The following CACNA2D3 variants were observed in gnomAD, a reference collection of about 807,000 sequenced individuals.
CACNA2D3 encodes the protein calcium voltage-gated channel auxiliary subunit alpha2delta 3, also known as voltage-dependent calcium channel subunit alpha-2/delta-3.
In CACNA2D3, 60 loss-of-function variants were observed where a neutral mutation model predicts 160.6. The observed-to-expected ratio is 0.37, with a 90% CI of 0.30 to 0.46. The LOEUF (loss-of-function observed/expected upper bound fraction) is 0.46, where lower values mean the gene tolerates loss of function less well. Ranked by LOEUF, CACNA2D3 falls within the 20% of genes least tolerant of loss-of-function variation. CACNA2D3 has a pLI of 1.00. For missense variants in CACNA2D3, 1,205 were observed against 1,365.0 expected (o/e 0.88, Z 1.85); for synonymous variants, 558 against 492.9 (o/e 1.13, Z -1.75).
chr3:54,880,620 C>T (rs1699772551), intron 20 of CACNA2D3, among the ~76,000 whole-genome samples, 176 bp from the exon 21 acceptor site: 1 of 152,120 alleles, frequency 6.6e-6, no homozygotes, highest in African/African-American at 2.4e-5. Flanking sequence ...CTGATTGAAC[C>T]TAAGAAAAAC....
At chr3:54,739,238 G>A (rs1701591708) in intron 11 of CACNA2D3, among the ~76,000 whole-genome samples, 1 of 151,876 alleles carries the variant, frequency 6.6e-6, no homozygotes, top group South Asian at 2.1e-4. Context: ...TGGCCAACAT[G>A]GCAAAACCCC....
chr3:54,129,410 T>C (rs1004285707), intron 2 of CACNA2D3, among the ~76,000 whole-genome samples: 2 of 152,218 alleles, frequency 1.3e-5, no homozygotes, highest in Non-Finnish European at 2.9e-5. Context: ...GGGTGCTCAT[T>C]CCAAGGCTGT....
intron 27 of CACNA2D3, among the ~76,000 whole-genome samples, chr3:54,914,909 G>A (rs4245919): frequency 0.64 from 97,609 of 152,108 alleles, 31,988 homozygotes; most frequent in East Asian, 0.86. Flanking sequence ...GGTTTCTAAC[G>A]GTTGTTGGAT....
chr3:54,652,450 CA>C (rs1428860200), intron 11 of CACNA2D3, among the ~76,000 whole-genome samples: 1 of 152,166 alleles, frequency 6.6e-6, no homozygotes, highest in Non-Finnish European at 1.5e-5. Context: ...CTGAACAAGA[CA>C]AACAAGAACC....
chr3:54,758,391 G>A (rs565474437), intron 12 of CACNA2D3, among the ~76,000 whole-genome samples: 64 of 152,096 alleles, frequency 4.2e-4, no homozygotes, highest in African/African-American at 1.5e-3. Flanking sequence ...TCAGGAGTGC[G>A]GTTCTCCCAC....
intron 27 of CACNA2D3, among the ~76,000 whole-genome samples, chr3:54,912,136 T>C (rs529305653): frequency 1.3e-5 from 2 of 152,334 alleles, no homozygotes; most frequent in East Asian, 3.9e-4. Context: ...TCTTACCTCC[T>C]TGCCACATAG....
intron 35 of CACNA2D3, among the ~76,000 whole-genome samples, chr3:55,059,395 T>C (rs1038682493): frequency 2.6e-5 from 4 of 152,368 alleles, no homozygotes; most frequent in Middle Eastern, 6.8e-3. Flanking sequence ...TGTTGTTGTA[T>C]TGAAACAGGA....
At chr3:54,575,030 G>C (rs62255463) in intron 8 of CACNA2D3, among the ~76,000 whole-genome samples, 4,525 of 152,286 alleles carry the variant, frequency 0.03, 108 homozygotes, top group Non-Finnish European at 0.048. Context: ...TTCTTTCAGT[G>C]CTCATTTGTT....
At chr3:54,243,838 C>T (rs1015725332) in intron 2 of CACNA2D3, among the ~76,000 whole-genome samples, 5 of 152,152 alleles carry the variant, frequency 3.3e-5, no homozygotes, top group Admixed American at 2.6e-4. Flanking sequence ...TCCTCCTTAG[C>T]TCTGAGTGGG....
rs535042351 is a variant in CACNA2D3, at chr3:54,566,422, C to T, written c.677-3373C>T. On this transcript the variant is annotated intron_variant, in intron 6 of 37. Transcript: ENST00000474759. The stretch of plus-strand genomic sequence containing the variant: ...TCATCCCTTTTCCTGTGAGGCTTGA[C>T]CAGTTCATCTTTTTATAGCCCTCTG... Among the ~76,000 whole-genome samples, 7 of 152,354 alleles carry T rather than the reference C, an allele frequency of 4.6e-5. No individual in the cohort carries two copies. The South Asian group carries it at 1.4e-3, about 32-fold the overall frequency.
chr3:54,662,634 G>A (rs1027621367), intron 11 of CACNA2D3, among the ~76,000 whole-genome samples: 12 of 152,296 alleles, frequency 7.9e-5, no homozygotes, highest in Admixed American at 1.3e-4. Flanking sequence ...CAGCAAGTGC[G>A]TCTGCTGGGC....
chr3:54,891,810 G>A (rs754140043), intron 25 of CACNA2D3, among the ~76,000 whole-genome samples: 9 of 152,202 alleles, frequency 5.9e-5, no homozygotes, highest in Non-Finnish European at 1.3e-4. Flanking sequence ...GTGTTCAGCT[G>A]TTCTGCAGCT....
chr3:54,429,399 C>T (rs1357724495), intron 4 of CACNA2D3, among the ~76,000 whole-genome samples: 2 of 151,480 alleles, frequency 1.3e-5, no homozygotes, highest in Non-Finnish European at 2.9e-5. Flanking sequence ...TCCTTTATTT[C>T]TTTCTTTCTT....
At chr3:54,176,783 T>G (rs1700687734) in intron 2 of CACNA2D3, among the ~76,000 whole-genome samples, 1 of 152,210 alleles carries the variant, frequency 6.6e-6, no homozygotes, top group Non-Finnish European at 1.5e-5. Flanking sequence ...AACCTTGGCT[T>G]TTAGCAGTCC....
chr3:54,327,166 C>G (rs1426016839), intron 3 of CACNA2D3, among the ~76,000 whole-genome samples: 1 of 152,210 alleles, frequency 6.6e-6, no homozygotes, highest in Non-Finnish European at 1.5e-5. Flanking sequence ...AGGGTTTCCG[C>G]TAACATACTT....
chr3:54,828,684 GAACA>G (rs775797360), intron 14 of CACNA2D3, among the ~76,000 whole-genome samples: 2 of 152,098 alleles, frequency 1.3e-5, no homozygotes, highest in Non-Finnish European at 2.9e-5. Flanking sequence ...AAGAGAAAGA[GAACA>G]AACAAATTCA....
At chr3:55,050,891 C>T (rs1444883415) in intron 35 of CACNA2D3, among the ~76,000 whole-genome samples, 8 of 134,178 alleles carry the variant, frequency 6.0e-5, no homozygotes, top group South Asian at 2.5e-4. Context: ...TCCAGTTGAT[C>T]GCATTGGCTC....
Position 54,611,494 on chromosome 3 carries a change from G to T in CACNA2D3, c.964-16293G>T, listed in dbSNP as rs143030750. On this transcript the variant is annotated intron_variant, in intron 9 of 37. Transcript: ENST00000474759. ...TGTCTTTGTCTTTAAGATCCTTGGT[G>T]TGCCACTTATTGATTCAGCAGTGGA... 5.9e-4 allele frequency among the ~76,000 whole-genome samples: 90 copies of T among 152,296 alleles called. 2 individuals are homozygous for T. In the East Asian group the frequency reaches 0.017, roughly 28 times the overall value.
chr3:54,899,940 T>C (rs1360990394), intron 27 of CACNA2D3, 72 bp downstream of exon 27: 1 of 1,047,926 alleles, frequency 9.5e-7, no homozygotes, highest in African/African-American at 1.6e-5. Context: ...GGGCTACTTC[T>C]GTGAGGCACG....
Sources: gnomAD v4.1 joint callset for allele counts (sites outside exome capture counted in the v4.1 genomes callset) on GRCh38, gnomAD v4.1.1 for gene constraint, MANE v1.5 for transcripts, NCBI Gene and HGNC (gene_info 2026-07-23, HGNC 2026-07-21) for gene names.